NUMB: variants seen among roughly 807,000 people sequenced by gnomAD.
The protein encoded by NUMB is protein numb homolog.
In NUMB, 29 loss-of-function variants were observed where a neutral mutation model predicts 59.7. The ratio of observed to expected loss-of-function variants is 0.49; its 90% CI spans 0.36 to 0.66. The LOEUF is 0.66. Among genes scored for constraint, NUMB ranks in the 30% least tolerant of loss-of-function variants. NUMB has a pLI of 0.00. For synonymous variants in NUMB, 288 were observed against 288.2 expected (o/e 1.00, Z 0.01); for missense variants, 723 against 822.0 (o/e 0.88, Z 1.47).
chr14:73,388,897 A>C (rs912856069), intron 2 of NUMB, among the ~76,000 whole-genome samples: 1 of 152,090 alleles, frequency 6.6e-6, no homozygotes, highest in African/African-American at 2.4e-5. Context: ...GGAGATCAAG[A>C]CCATCCTAGC....
intron 2 of NUMB, among the ~76,000 whole-genome samples, chr14:73,408,271 A>G (rs1282089087): frequency 2.0e-5 from 3 of 151,952 alleles, no homozygotes; most frequent in Non-Finnish European, 4.4e-5. Flanking sequence ...TTTACCAGAA[A>G]TTTAGCAGGT....
intron 2 of NUMB, among the ~76,000 whole-genome samples, chr14:73,396,317 TA>T (rs1896129541): frequency 1.5e-5 from 2 of 131,212 alleles, no homozygotes; most frequent in African/African-American, 6.3e-5. Context: ...CTTTAATTAT[TA>T]GGGGTGTGTG....
chr14:73,386,787 T>G (rs1703701950), intron 2 of NUMB, among the ~76,000 whole-genome samples: 2 of 151,928 alleles, frequency 1.3e-5, no homozygotes, highest in South Asian at 4.1e-4. Flanking sequence ...ATTTGATGTA[T>G]TGTTTTCAGC....
chr14:73,410,398 T>A (rs1175759097), intron 1 of NUMB, among the ~76,000 whole-genome samples: 1 of 152,230 alleles, frequency 6.6e-6, no homozygotes, highest in East Asian at 1.9e-4. Context: ...AATTTTGGGC[T>A]AGGAGTCAGA....
chr14:73,326,247 G>T (rs556118209), intron 4 of NUMB, among the ~76,000 whole-genome samples: 1 of 152,186 alleles, frequency 6.6e-6, no homozygotes, highest in East Asian at 1.9e-4. Flanking sequence ...CCACCTCCTG[G>T]TTCCCAAACT....
intron 1 of NUMB, among the ~76,000 whole-genome samples, chr14:73,440,618 G>A (rs1331125687): frequency 1.3e-5 from 2 of 151,686 alleles, no homozygotes; most frequent in Non-Finnish European, 2.9e-5. Context: ...GGCTGAGGCG[G>A]GCGGATCACG....
intron 3 of NUMB, among the ~76,000 whole-genome samples, chr14:73,356,474 C>T (rs1452230956): frequency 1.3e-5 from 2 of 152,116 alleles, no homozygotes; most frequent in African/African-American, 4.8e-5. Flanking sequence ...AAAACCCCGC[C>T]TCTACTAAAA....
intron 4 of NUMB, among the ~76,000 whole-genome samples, chr14:73,348,554 C>T (rs1182957330): frequency 6.6e-6 from 1 of 152,172 alleles, no homozygotes; most frequent in Non-Finnish European, 1.5e-5. Flanking sequence ...CATAGGAGCG[C>T]GAACTCTATT....
chr14:73,396,321 GGT>G (rs200195176), intron 2 of NUMB, among the ~76,000 whole-genome samples: 21,539 of 143,884 alleles, frequency 0.15, 1,796 homozygotes, highest in African/African-American at 0.24. Flanking sequence ...AATTATTAGG[GGT>G]GTGTGTGTGT....
intron 2 of NUMB, among the ~76,000 whole-genome samples, chr14:73,398,415 A>AGAGAGAGTGTGT (rs1438462148): frequency 5.0e-5 from 6 of 118,878 alleles, no homozygotes; most frequent in African/African-American, 1.3e-4. Context: ...AGAGAGAGAG[A>AGAGAGAGTGTGT]GTGTGTGTGT....
Position 73,316,438 on chromosome 14 carries a change from G to C in NUMB, c.202-16C>G. 1 of 1,612,840 alleles carries C rather than the reference G, an allele frequency of 6.2e-7. No homozygotes were observed. The highest frequency in any genetic ancestry group is 8.5e-7 in the Non-Finnish European group (1 of 1,179,146). ...ACTTCCTTTCCTGGAGGAACAGGGG[G>C]ACAAGTCGAGTGCTATTATTGTATG... On this transcript the variant is annotated splice_polypyrimidine_tract_variant and intron_variant, in intron 5 of 12. Coordinates refer to ENST00000555238, the MANE Select transcript of NUMB (RefSeq NM_001005743.2).
chr14:73,286,189 A>ATTTTTT (rs1888980712), intron 9 of NUMB: 1 of 102,826 alleles, frequency 9.7e-6, no homozygotes, highest in African/African-American at 4.0e-5. Context: ...CAAATATGGC[A>ATTTTTT]ATTTTTTTTT....
chr14:73,332,267 T>G (rs886858092), intron 4 of NUMB, among the ~76,000 whole-genome samples: 2 of 152,060 alleles, frequency 1.3e-5, no homozygotes, highest in Non-Finnish European at 2.9e-5. Flanking sequence ...TTTTTTTTCT[T>G]TTTTTTGAGA....
chr14:73,449,398 T>A (rs1403458672), intron 1 of NUMB, among the ~76,000 whole-genome samples: 1 of 152,208 alleles, frequency 6.6e-6, no homozygotes, highest in East Asian at 1.9e-4. Flanking sequence ...TACTTATTAA[T>A]ATAATACCTA....
chr14:73,276,587 A>T lies in NUMB; in HGVS notation c.1947T>A (p.Ile649=). 6.2e-7 allele frequency: 1 copy of T among 1,611,722 alleles called. No homozygotes were observed. Among genetic ancestry groups the T allele is most frequent in the Non-Finnish European group, 8.5e-7 (1 of 1,178,288 alleles). ...TAGCCATAATGATTGCTTAAAGTTC[A>T]ATTTCAAACGTCTTCTGTAAGTCAC... ...FSSDLQKTFE[I]EL is the part of the protein sequence containing the mutation. Residue 649 remains isoleucine, a synonymous_variant, in exon 13 of 13, where the codon ATT becomes ATA. Transcript: ENST00000555238.
intron 4 of NUMB, among the ~76,000 whole-genome samples, chr14:73,328,214 G>T (rs115887987): frequency 7.2e-5 from 11 of 151,740 alleles, no homozygotes; most frequent in African/African-American, 2.7e-4. Flanking sequence ...GGCAGAGGTT[G>T]CGGTGAGCCA....
intron 2 of NUMB, among the ~76,000 whole-genome samples, chr14:73,377,611 G>C (rs1234834864): frequency 6.6e-6 from 1 of 152,146 alleles, no homozygotes; most frequent in Non-Finnish European, 1.5e-5. Context: ...TTACACTCCA[G>C]CCTGGGTGAC....
rs1196520524 is a variant in NUMB at position 73,367,296 on chromosome 14, TACACACAC to T, written c.-100-323_-100-316del. Among the ~76,000 whole-genome samples, 8 of 121,014 alleles carry T rather than the reference TACACACAC, an allele frequency of 6.6e-5. No homozygotes were observed. In the South Asian group the frequency reaches 1.0e-3, roughly 15 times the overall value. The allele number at this position is 121,014 out of a possible 152,430, so 79.4% of individuals were successfully genotyped here. ...ATAAAATACTATATATATATATATA[TACACACAC>T]ACACACACACACACACACATATATA... is the stretch of plus-strand genomic sequence containing the variant. On this transcript the variant is annotated intron_variant, in intron 2 of 12. Coordinates refer to ENST00000555238, the MANE Select transcript of NUMB (RefSeq NM_001005743.2).
Position 73,277,334 on chromosome 14 carries a change from G to C in NUMB, c.1241-41C>G, listed in dbSNP as rs113185100. 7.7e-6 allele frequency: 11 copies of C among 1,431,254 alleles called. No homozygotes were observed. The South Asian group carries it at 1.3e-4, about 17-fold the overall frequency. The allele number at this position is 1,431,254 out of a possible 1,614,324, so 88.7% of individuals were successfully genotyped here. A position where few individuals can be genotyped will look rare whatever the true frequency, so the allele number is the denominator to read the frequency against. On this transcript the variant is annotated intron_variant, in intron 12 of 12. Transcript: ENST00000555238. The stretch of plus-strand genomic sequence containing the variant: ...TGAGAGACAAAAGAATCAGTTAGGG[G>C]CATCTTTCCTCACCTTATAATCTTG...
Sources: gnomAD v4.1 joint callset for allele counts (sites outside exome capture counted in the v4.1 genomes callset) on GRCh38, gnomAD v4.1.1 for gene constraint, MANE v1.5 for transcripts, NCBI Gene and HGNC (gene_info 2026-07-23, HGNC 2026-07-21) for gene names.